Variants in ADPRM observed in about 807,000 individuals in gnomAD.
The protein encoded by ADPRM is manganese-dependent ADP-ribose/CDP-alcohol diphosphatase.
A neutral mutation model predicts 27.2 loss-of-function variants in ADPRM; 17 were observed. That is an observed-to-expected ratio of 0.63 (90% CI 0.43 to 0.94). ADPRM has a LOEUF of 0.94. ADPRM is among the 40% of genes least tolerant of loss of function. The pLI, the probability that ADPRM is intolerant of heterozygous loss-of-function variation, is 0.00. For synonymous variants in ADPRM, 135 were observed against 145.3 expected (o/e 0.93, Z 0.51); for missense variants, 337 against 412.8 (o/e 0.82, Z 1.59).
Position 10,706,557 on chromosome 17 carries a change from A to G in ADPRM, c.718+3A>G, listed in dbSNP as rs2074813742. 1 of 1,558,758 alleles carries G rather than the reference A, an allele frequency of 6.4e-7. No individual in the cohort carries two copies. Among genetic ancestry groups the G allele is most frequent in the Non-Finnish European group, 8.7e-7 (1 of 1,154,146 alleles). ...CCAAGAAAAGGTGGTGATTGTGAGTAAGTATTTAATTTATCTGATTACACT... is the reference window on the plus strand; with the variant it reads ...CCAAGAAAAGGTGGTGATTGTGAGTGAGTATTTAATTTATCTGATTACACT... On this transcript the variant is annotated splice_donor_region_variant and intron_variant, in intron 3 of 3. Coordinates refer to ENST00000379774, the MANE Select transcript of ADPRM (RefSeq NM_020233.5).
chr17:10,705,241 T>C lies in ADPRM; in HGVS notation c.315T>C (p.His105=). The part of the protein sequence containing the change: ...DMFKRLKVPV[H]HTWGNHEFYN... ...TCAAGAGGCTTAAAGTTCCAGTTCA[T>C]CATACATGGGGAAACCATGAATTCT... Residue 105 remains histidine, a synonymous_variant, in exon 2 of 4, where the codon CAT becomes CAC. Transcript: ENST00000379774. The surrounding 1 kb of genome is among the most constrained non-coding windows in gnomAD (Gnocchi z 5.4). 3.1e-6 allele frequency: 5 copies of C among 1,614,148 alleles called. No homozygotes were observed. The highest frequency in any genetic ancestry group is 4.2e-6 in the Non-Finnish European group (5 of 1,180,024).
rs578207345 is a variant in ADPRM, at chr17:10,711,409, T to C, written c.*265T>C. ...CATATAGTCCTCATGAGGGATCTTA[T>C]TTGGCCCTACCTGATTTTTTTTAAC... On this transcript the variant is annotated 3_prime_UTR_variant, in exon 4 of 4. Coordinates refer to ENST00000379774, the MANE Select transcript of ADPRM (RefSeq NM_020233.5). Among the ~76,000 whole-genome samples the C allele has an allele frequency of 1.3e-5, 2 of 152,286 alleles. No homozygotes were observed. The highest frequency in any genetic ancestry group is 4.1e-4 in the South Asian group (2 of 4,822).
chr17:10,701,216 A>G (rs1310650764), intron 1 of ADPRM, among the ~76,000 whole-genome samples: 3 of 152,208 alleles, frequency 2.0e-5, no homozygotes, highest in African/African-American at 7.2e-5. Context: ...AAAGTTCACT[A>G]AAAACTTGCC....
At position 10,711,471 on chromosome 17, in the gene ADPRM, T is replaced by C. The variant is rs1257307309; in HGVS notation, c.*327T>C. On this transcript the variant is annotated 3_prime_UTR_variant, in exon 4 of 4. Coordinates refer to ENST00000379774, the MANE Select transcript of ADPRM (RefSeq NM_020233.5). ...AGATTGTATTCACATGTGTTAACTATGTAACTTCAAGTTCAGCATATAAGC... is the reference window on the plus strand; with the variant it reads ...AGATTGTATTCACATGTGTTAACTACGTAACTTCAAGTTCAGCATATAAGC... 6.6e-6 allele frequency among the ~76,000 whole-genome samples: 1 copy of C among 152,246 alleles called. No homozygotes were observed. The highest frequency in any genetic ancestry group is 1.5e-5 in the Non-Finnish European group (1 of 68,046).
In ADPRM at chr17:10,710,898, C is replaced by G. The variant is rs1176339645; in HGVS notation, c.783C>G (p.Ala261=). The stretch of plus-strand genomic sequence containing the variant: ...GCCTGGCCTGGAACTACAGAGATGC[C>G]CTGGCAGTCATTTGGTCTCATGAGT... The part of the protein sequence containing the change: ...NVCLAWNYRD[A]LAVIWSHECV... Residue 261 remains alanine (A), a synonymous_variant, in exon 4 of 4, where the codon GCC becomes GCG. Coordinates refer to ENST00000379774, the MANE Select transcript of ADPRM (RefSeq NM_020233.5). 6.2e-7 allele frequency: 1 copy of G among 1,614,180 alleles called. No individual in the cohort carries two copies. Among genetic ancestry groups the G allele is most frequent in the Non-Finnish European group, 8.5e-7 (1 of 1,180,026 alleles).
chr17:10,709,454 C>T (rs551509552), intron 3 of ADPRM, among the ~76,000 whole-genome samples: 1 of 152,252 alleles, frequency 6.6e-6, no homozygotes, highest in African/African-American at 2.4e-5. Flanking sequence ...CATTCAGGCA[C>T]TCCTGGTAAG....
rs959548592 is a variant in ADPRM, at chr17:10,702,904, A to C, written c.-17-2006A>C. On this transcript the variant is annotated intron_variant, in intron 1 of 3. Transcript: ENST00000379774. The surrounding 1 kb of genome is among the most constrained non-coding windows in gnomAD (Gnocchi z 4.2). ...CAGCTGTCCACTGGAGAGAAGATCC[A>C]ATTCATTGGGACTAAATCCCCTCTA... is the stretch of plus-strand genomic sequence containing the variant. 2.0e-5 allele frequency among the ~76,000 whole-genome samples: 3 copies of C among 152,216 alleles called. No individual in the cohort carries two copies. The highest frequency in any genetic ancestry group is 4.4e-5 in the Non-Finnish European group (3 of 68,044).
chr17:10,708,708 T>C (rs567726906), intron 3 of ADPRM, among the ~76,000 whole-genome samples: 2 of 152,344 alleles, frequency 1.3e-5, no homozygotes, highest in African/African-American at 4.8e-5. Flanking sequence ...TCTTGACTTG[T>C]GTCTGCTTTT....
chr17:10,709,429 A>T (rs1251366109), intron 3 of ADPRM, among the ~76,000 whole-genome samples: 1 of 152,210 alleles, frequency 6.6e-6, no homozygotes, highest in African/African-American at 2.4e-5. Flanking sequence ...TAAATAGAGA[A>T]GTCCGAGGAC....
intron 3 of ADPRM, among the ~76,000 whole-genome samples, chr17:10,710,554 C>T (rs1324975559): frequency 2.6e-5 from 4 of 152,162 alleles, no homozygotes; most frequent in African/African-American, 7.2e-5. Context: ...CTCGGTGTTT[C>T]GGCAACTTGA....
In ADPRM at chr17:10,709,578, A is replaced by G. The variant is rs74935619; in HGVS notation, c.719-1256A>G. Reference sequence around the variant, plus strand: ...AGAAACAGTGGTGTCCTGGAATCCAAGTGTTTCAGGGAGAAGGGAACAACT... The same window carrying G: ...AGAAACAGTGGTGTCCTGGAATCCAGGTGTTTCAGGGAGAAGGGAACAACT... On this transcript the variant is annotated intron_variant, in intron 3 of 3. Transcript: ENST00000379774. 5.4e-3 allele frequency among the ~76,000 whole-genome samples: 820 copies of G among 152,268 alleles called. 5 individuals are homozygous for G. The highest frequency in any genetic ancestry group is 0.018 in the African/African-American group (765 of 41,530).
At chr17:10,706,707 A>G (rs980556202) in intron 3 of ADPRM, among the ~76,000 whole-genome samples, 153 bp downstream of exon 3, 1 of 152,226 alleles carries the variant, frequency 6.6e-6, no homozygotes, top group African/African-American at 2.4e-5. Flanking sequence ...ACCTGAATAT[A>G]AGATTAACAT....
At position 10,697,655 on chromosome 17, in the gene ADPRM, G is replaced by A; in HGVS notation, c.-30G>A. 1 of 999,536 alleles carries A rather than the reference G, an allele frequency of 1.0e-6. No homozygotes were observed. Among genetic ancestry groups the A allele is most frequent in the Non-Finnish European group, 1.5e-6 (1 of 657,090 alleles). 61.9% of individuals were successfully genotyped at this position (999,536 alleles called of 1,614,324 possible). ...CGTAGTCAGAGGCCTTTCAGCCCAG[G>A]GGCCGGCGCACGGTAGGTAGTTCCC... is the stretch of plus-strand genomic sequence containing the variant. On this transcript the variant is annotated 5_prime_UTR_variant, in exon 1 of 4. Transcript: ENST00000379774.
Position 10,705,797 on chromosome 17 carries a change from T to C in ADPRM, c.601+270T>C, listed in dbSNP as rs2074809014. On this transcript the variant is annotated intron_variant, in intron 2 of 3. Coordinates refer to ENST00000379774, the MANE Select transcript of ADPRM (RefSeq NM_020233.5). The surrounding 1 kb of genome is among the most constrained non-coding windows in gnomAD (Gnocchi z 5.4). ...AATACTAACAATATTACTTTTTTGA[T>C]GGATGGAATGGAGGGAACAAACACA... 1 of 448,500 alleles carries C rather than the reference T, an allele frequency of 2.2e-6. No individual in the cohort carries two copies. Among genetic ancestry groups the C allele is most frequent in the Admixed American group, 3.6e-5 (1 of 27,404 alleles). The allele number at this position is 448,500 out of a possible 1,614,324, so 27.8% of individuals were successfully genotyped here.
rs1488781823 is a variant in ADPRM, at chr17:10,711,218, G to A, written c.*74G>A. 12 of 1,218,474 alleles carry A rather than the reference G, an allele frequency of 9.8e-6. No individual in the cohort carries two copies. The highest frequency in any genetic ancestry group is 1.5e-5 in the African/African-American group (1 of 65,034). 75.5% of individuals were successfully genotyped at this position (1,218,474 alleles called of 1,614,324 possible). On this transcript the variant is annotated 3_prime_UTR_variant, in exon 4 of 4. Transcript: ENST00000379774. ...CTAAACAAAAAAATAAAAATCCTCT[G>A]TCTCATTGTTTAGTATTCAGCTTGC...
intron 3 of ADPRM, among the ~76,000 whole-genome samples, chr17:10,709,323 T>C (rs770774221): frequency 1.3e-5 from 2 of 152,156 alleles, no homozygotes; most frequent in African/African-American, 2.4e-5. Context: ...AAATTCAGAA[T>C]AGAGATTTGG....
rs750454566 is a variant in ADPRM at position 10,706,522 on chromosome 17, C to T, written c.686C>T (p.Ser229Phe). The T allele has an allele frequency of 3.1e-6, 5 of 1,588,246 alleles. No homozygotes were observed. Among genetic ancestry groups the T allele is most frequent in the Non-Finnish European group, 4.3e-6 (5 of 1,170,484 alleles). Residue 229 changes from serine (S) to phenylalanine (F), a missense_variant, in exon 3 of 4, where the codon TCT becomes TTT. Physicochemically the swap from Ser to Phe is radical, Grantham distance 155 (BLOSUM62 -2). Transcript: ENST00000379774. ...TGGTTGAATGAAGTGCTAACATTCT[C>T]TGACACAAACCAAGAAAAGGTGGTG... ...LNWLNEVLTFSDTNQEKVVIV... is the reference protein window; with the variant it reads ...LNWLNEVLTFFDTNQEKVVIV...
At chr17:10,699,416 T>C (rs2074760386) in intron 1 of ADPRM, 1 of 152,158 alleles carries the variant, frequency 6.6e-6, no homozygotes, top group Admixed American at 6.5e-5. Context: ...TACAGTGTTA[T>C]CCCTTATAGA....
At position 10,706,551 on chromosome 17, in the gene ADPRM, G is replaced by T. The variant is rs780826640; in HGVS notation, c.715G>T (p.Val239Leu). 77 of 1,565,688 alleles carry T rather than the reference G, an allele frequency of 4.9e-5. No individual in the cohort carries two copies. Among genetic ancestry groups the T allele is most frequent in the Non-Finnish European group, 6.6e-5 (76 of 1,159,340 alleles). Residue 239 changes from valine (V) to leucine (L), a missense_variant, in exon 3 of 4, where the codon GTG (valine) becomes TTG (leucine). By Grantham distance (32) the Val-to-Leu change is conservative. Transcript: ENST00000379774. ...SDTNQEKVVI[V>L]SHLPIYPDAS... Reference sequence around the variant, plus strand: ...CACAAACCAAGAAAAGGTGGTGATTGTGAGTAAGTATTTAATTTATCTGAT... The same window carrying T: ...CACAAACCAAGAAAAGGTGGTGATTTTGAGTAAGTATTTAATTTATCTGAT...
Sources: allele counts gnomAD v4.1 joint callset (sites outside exome capture counted in the v4.1 genomes callset), GRCh38; gene constraint gnomAD v4.1.1; non-coding constraint Gnocchi (gnomAD v3.1); transcripts MANE v1.5; gene names NCBI Gene and HGNC (gene_info 2026-07-23, HGNC 2026-07-21).